The following ACTR3 variants were observed in gnomAD, a reference collection of about 807,000 sequenced individuals.
ACTR3 encodes actin-related protein 3.
Under a neutral mutation model 56.8 loss-of-function variants are expected in ACTR3, and 12 were observed. That is an observed-to-expected ratio of 0.21 (90% CI 0.14 to 0.34). The LOEUF (loss-of-function observed/expected upper bound fraction) is 0.34, where lower values mean the gene tolerates loss of function less well. ACTR3 is among the 10% of genes least tolerant of loss of function. The pLI is 1.00. For synonymous variants in ACTR3, 162 were observed against 167.4 expected, an observed-to-expected ratio of 0.97 and a Z score of 0.25; for missense variants, 282 against 512.5, an observed-to-expected ratio of 0.55 and a Z score of 4.34.
intron 1 of ACTR3, among the ~76,000 whole-genome samples, chr2:113,891,633 A>G (rs1235205640): frequency 4.0e-5 from 6 of 150,520 alleles, no homozygotes; most frequent in Non-Finnish European, 8.9e-5. Context: ...TTTATTATTA[A>G]TTATAATTAT....
At chr2:113,941,560 AT>A (rs1679925639) in intron 7 of ACTR3, among the ~76,000 whole-genome samples, 1 of 152,174 alleles carries the variant, frequency 6.6e-6, no homozygotes, top group African/African-American at 2.4e-5. Context: ...TTTTAAAAAA[AT>A]AAAACAAATA....
chr2:113,892,599 A>G (rs1471728510), intron 1 of ACTR3, among the ~76,000 whole-genome samples: 2 of 152,182 alleles, frequency 1.3e-5, no homozygotes, highest in Non-Finnish European at 2.9e-5. Flanking sequence ...GGACCCTGAG[A>G]TAAACATCTC....
chr2:113,907,190 AAG>A (rs1263293815), intron 1 of ACTR3, among the ~76,000 whole-genome samples: 1 of 152,194 alleles, frequency 6.6e-6, no homozygotes, highest in Admixed American at 6.5e-5. Flanking sequence ...AGCTGTCCAA[AAG>A]AGAGTTTTTG....
chr2:113,890,442 A>G, intron 1 of ACTR3, 119 bp downstream of exon 1: 23 of 1,300,886 alleles, frequency 1.8e-5, no homozygotes, highest in Non-Finnish European at 2.2e-5. Flanking sequence ...TGTCAGTCCT[A>G]GACCCGCCGG....
rs1045399327 is a variant in ACTR3 at position 113,934,537 on chromosome 2, T to G, written c.540+151T>G. 18 of 471,114 alleles carry G rather than the reference T, an allele frequency of 3.8e-5. No individual in the cohort carries two copies. The East Asian group carries it at 3.8e-4, about 10-fold the overall frequency. 29.2% of individuals were successfully genotyped at this position (471,114 alleles called of 1,614,324 possible). On this transcript the variant is annotated intron_variant, in intron 6 of 11. Transcript: ENST00000263238. ...TTATAGCTATGTTTTGCTCACCGTT[T>G]AAAACTTTTATAAACAATTCAAAAT...
chr2:113,944,274 T>C (rs1486540720), intron 8 of ACTR3, among the ~76,000 whole-genome samples: 1 of 151,980 alleles, frequency 6.6e-6, no homozygotes, highest in Non-Finnish European at 1.5e-5. Flanking sequence ...AAAAAGACAG[T>C]GGACGAGTAA....
chr2:113,892,238 A>T (rs972350752), intron 1 of ACTR3, among the ~76,000 whole-genome samples: 3 of 152,266 alleles, frequency 2.0e-5, no homozygotes, highest in Admixed American at 1.3e-4. Flanking sequence ...CCTTGAATTT[A>T]AAACATGCTG....
chr2:113,899,778 A>G (rs528926598), intron 1 of ACTR3, among the ~76,000 whole-genome samples: 3 of 152,340 alleles, frequency 2.0e-5, no homozygotes, highest in Admixed American at 2.0e-4. Flanking sequence ...ATGATATTTA[A>G]TAATGCCCAG....
chr2:113,943,194 G>A (rs1679956252), intron 8 of ACTR3, among the ~76,000 whole-genome samples: 1 of 152,222 alleles, frequency 6.6e-6, no homozygotes. Flanking sequence ...GTCTGCTTGG[G>A]AGAACATCTC....
chr2:113,899,421 G>A (rs1372237689), intron 1 of ACTR3, among the ~76,000 whole-genome samples: 1 of 152,174 alleles, frequency 6.6e-6, no homozygotes, highest in Non-Finnish European at 1.5e-5. Flanking sequence ...ATTTATTTCA[G>A]TCTCAGTTCT....
intron 1 of ACTR3, among the ~76,000 whole-genome samples, chr2:113,899,766 G>A (rs1040595334): frequency 6.6e-6 from 1 of 152,174 alleles, no homozygotes; most frequent in Non-Finnish European, 1.5e-5. Flanking sequence ...ATAGCGTCCT[G>A]CATGATATTT....
chr2:113,901,529 A>G (rs1276554121), intron 1 of ACTR3, among the ~76,000 whole-genome samples: 1 of 152,242 alleles, frequency 6.6e-6, no homozygotes. Flanking sequence ...ATAAAATTAT[A>G]TAAGATGTAC....
rs1211188116 is a variant in ACTR3 at position 113,957,766 on chromosome 2, G to A, written c.*311G>A. ...ATCCAAGATTCGATGGGATTTATCA[G>A]TGTGTAGATAGCTCTATAATGCTTG... is the stretch of plus-strand genomic sequence containing the variant. On this transcript the variant is annotated 3_prime_UTR_variant, in exon 12 of 12. Transcript: ENST00000263238. 7.6e-6 allele frequency: 2 copies of A among 262,870 alleles called. No individual in the cohort carries two copies. Among genetic ancestry groups the A allele is most frequent in the Non-Finnish European group, 1.5e-5 (2 of 134,394 alleles). 16.3% of individuals were successfully genotyped at this position (262,870 alleles called of 1,614,324 possible).
chr2:113,914,274 T>C (rs1281914844), intron 2 of ACTR3, among the ~76,000 whole-genome samples: 1 of 152,226 alleles, frequency 6.6e-6, no homozygotes, highest in Non-Finnish European at 1.5e-5. Context: ...AACTGTTTTG[T>C]CATTTGTGTA....
rs183810365 is a variant in ACTR3, at chr2:113,908,769, C to G, written c.45-4403C>G. On this transcript the variant is annotated intron_variant, in intron 1 of 11. Transcript: ENST00000263238. ...GGTTTTAAAGAGTGATTTTTTTTGT[C>G]ATTCAGCACTTTACTCCCTGCGGGA... Among the ~76,000 whole-genome samples, 80 of 151,780 alleles carry G rather than the reference C, an allele frequency of 5.3e-4. 2 individuals are homozygous for G. Among genetic ancestry groups the G allele is most frequent in the Admixed American group, 5.3e-3 (80 of 15,238 alleles).
At chr2:113,917,691 T>C (rs1392563593) in intron 3 of ACTR3, among the ~76,000 whole-genome samples, 1 of 152,240 alleles carries the variant, frequency 6.6e-6, no homozygotes, top group Non-Finnish European at 1.5e-5. Context: ...CTTCTCATAA[T>C]TTATTCATTA....
chr2:113,945,319 T>C (rs1447004795), intron 8 of ACTR3, among the ~76,000 whole-genome samples: 1 of 152,200 alleles, frequency 6.6e-6, no homozygotes, highest in Non-Finnish European at 1.5e-5. Context: ...CACTAGCTTT[T>C]AGTTATTGCT....
intron 1 of ACTR3, among the ~76,000 whole-genome samples, chr2:113,892,407 T>G (rs1040925310): frequency 2.0e-5 from 3 of 152,244 alleles, no homozygotes; most frequent in Non-Finnish European, 4.4e-5. Context: ...TGGAACTGAT[T>G]AGGAGTCCCC....
chr2:113,924,792 C>G (rs931298254), intron 3 of ACTR3, among the ~76,000 whole-genome samples: 1 of 152,112 alleles, frequency 6.6e-6, no homozygotes. Flanking sequence ...AAAAAAAAGC[C>G]AGAAAGCAGA....
Sources: gnomAD v4.1 joint callset for allele counts (sites outside exome capture counted in the v4.1 genomes callset) on GRCh38, gnomAD v4.1.1 for gene constraint, MANE v1.5 for transcripts, NCBI Gene and HGNC (gene_info 2026-07-23, HGNC 2026-07-21) for gene names.